Variants in CADM2 observed in about 807,000 individuals in gnomAD.
CADM2 encodes the protein cell adhesion molecule 2.
A neutral mutation model predicts 49.8 loss-of-function variants in CADM2; 12 were observed. That is an observed-to-expected ratio of 0.24 (90% confidence interval 0.15 to 0.39). The LOEUF (loss-of-function observed/expected upper bound fraction) is 0.39, where lower values mean the gene tolerates loss of function less well. Ranked by LOEUF, CADM2 falls within the 10% of genes least tolerant of loss-of-function variation. CADM2 has a pLI of 1.00. For synonymous variants in CADM2, 214 were observed against 175.4 expected, an observed-to-expected ratio of 1.22 and a Z score of -1.74; for missense variants, 378 against 492.3, an observed-to-expected ratio of 0.77 and a Z score of 2.20.
At chr3:85,204,256 T>A in intron 1 of CADM2, among the ~76,000 whole-genome samples, 1 of 152,302 alleles carries the variant, frequency 6.6e-6, no homozygotes, top group South Asian at 2.1e-4. Flanking sequence ...ATTTGTTGAA[T>A]TTTTAGTAAC....
intron 1 of CADM2, among the ~76,000 whole-genome samples, chr3:84,991,502 G>GA (rs1410212095): frequency 6.6e-6 from 1 of 151,950 alleles, no homozygotes; most frequent in African/African-American, 2.4e-5. Flanking sequence ...CAAATCCTAG[G>GA]AAAAAAACTA....
intron 1 of CADM2, among the ~76,000 whole-genome samples, chr3:85,638,900 TAGAA>T (rs2064610016): frequency 6.6e-6 from 1 of 152,136 alleles, no homozygotes; most frequent in African/African-American, 2.4e-5. Context: ...AATGTAAACT[TAGAA>T]AGGTTTTTTC....
intron 2 of CADM2, among the ~76,000 whole-genome samples, chr3:85,792,270 A>C (rs2071380066): frequency 6.6e-6 from 1 of 152,228 alleles, no homozygotes; most frequent in African/African-American, 2.4e-5. Context: ...GTTTTCACTA[A>C]GGACAAATAT....
At chr3:85,174,318 T>C (rs2040715605) in intron 1 of CADM2, among the ~76,000 whole-genome samples, 2 of 152,126 alleles carry the variant, frequency 1.3e-5, no homozygotes, top group African/African-American at 4.8e-5. Context: ...TAGTTTAAAT[T>C]GTCAGGTTTG....
chr3:85,596,897 A>T (rs940223491), intron 1 of CADM2, among the ~76,000 whole-genome samples: 4 of 151,996 alleles, frequency 2.6e-5, no homozygotes, highest in African/African-American at 7.2e-5. Context: ...TTGCATTTTT[A>T]GTAGAGACAG....
chr3:86,059,753 T>G (rs1275432326), intron 8 of CADM2, among the ~76,000 whole-genome samples: 2 of 152,272 alleles, frequency 1.3e-5, no homozygotes, highest in South Asian at 2.1e-4. Context: ...CCATTGAAAT[T>G]TAGCCATTTA....
chr3:85,314,035 G>A (rs977325596), intron 1 of CADM2, among the ~76,000 whole-genome samples: 1 of 152,010 alleles, frequency 6.6e-6, no homozygotes, highest in Admixed American at 6.6e-5. Flanking sequence ...GGACTAAGGC[G>A]CGTGCCACCA....
intron 3 of CADM2, among the ~76,000 whole-genome samples, chr3:85,869,290 A>C (rs555619683): frequency 6.6e-6 from 1 of 152,212 alleles, no homozygotes; most frequent in African/African-American, 2.4e-5. Flanking sequence ...CTAAGCAATT[A>C]CTTACTGAAT....
At chr3:85,689,227 A>T (rs1027029887) in intron 1 of CADM2, among the ~76,000 whole-genome samples, 1 of 152,214 alleles carries the variant, frequency 6.6e-6, no homozygotes, top group Non-Finnish European at 1.5e-5. Context: ...GTAATGACAG[A>T]ACGATCACGG....
chr3:85,249,519 TGTG>T (rs2042727021), intron 1 of CADM2, among the ~76,000 whole-genome samples: 1 of 152,064 alleles, frequency 6.6e-6, no homozygotes, highest in South Asian at 2.1e-4. Context: ...CTTTTTAAGT[TGTG>T]GTTGAATTAA....
At chr3:85,127,362 A>T (rs1329537771) in intron 1 of CADM2, among the ~76,000 whole-genome samples, 1 of 152,174 alleles carries the variant, frequency 6.6e-6, no homozygotes, top group Non-Finnish European at 1.5e-5. Flanking sequence ...TGAATTAGAA[A>T]ACTATATGTT....
At chr3:85,013,346 G>T (rs886216050) in intron 1 of CADM2, among the ~76,000 whole-genome samples, 1 of 151,636 alleles carries the variant, frequency 6.6e-6, no homozygotes, top group Non-Finnish European at 1.5e-5. Context: ...TCTTCACCTA[G>T]GCATTAAAAC....
At chr3:85,876,735 G>A (rs1250696137) in intron 3 of CADM2, among the ~76,000 whole-genome samples, 1 of 152,062 alleles carries the variant, frequency 6.6e-6, no homozygotes, top group Non-Finnish European at 1.5e-5. Flanking sequence ...ATGAATGTAA[G>A]TATTCACAAA....
At chr3:85,855,466 T>C (rs2075269579) in intron 3 of CADM2, among the ~76,000 whole-genome samples, 1 of 151,678 alleles carries the variant, frequency 6.6e-6, no homozygotes, top group Non-Finnish European at 1.5e-5. Context: ...TTTTCAATCT[T>C]CCCTTTTTGA....
chr3:85,811,510 G>A (rs943469703), intron 3 of CADM2, among the ~76,000 whole-genome samples: 72 of 152,142 alleles, frequency 4.7e-4, no homozygotes, highest in Non-Finnish European at 1.6e-4. Context: ...ACTGATATTT[G>A]AGAAGCCTAT....
intron 1 of CADM2, among the ~76,000 whole-genome samples, chr3:85,717,699 C>T (rs983061174): frequency 8.6e-5 from 13 of 151,948 alleles, no homozygotes; most frequent in African/African-American, 2.7e-4. Flanking sequence ...TAGCATGAAG[C>T]GTTGTTGAAT....
Position 85,819,496 on chromosome 3 carries a change from A to G in CADM2, c.238+17300A>G, listed in dbSNP as rs187779128. On this transcript the variant is annotated intron_variant, in intron 3 of 9. Transcript: ENST00000383699. ...TTAAGCAACAAAAAACTAATTCCCG[A>G]TTTTCAAACTAGGAGCAATTTTTAG... 4.6e-5 allele frequency among the ~76,000 whole-genome samples: 7 copies of G among 152,268 alleles called. No homozygotes were observed. The East Asian group carries it at 1.4e-3, about 29-fold the overall frequency.
chr3:85,892,916 T>G (rs1714661934), intron 5 of CADM2, among the ~76,000 whole-genome samples: 1 of 152,110 alleles, frequency 6.6e-6, no homozygotes, highest in Non-Finnish European at 1.5e-5. Context: ...GTGGGAAACT[T>G]TGGCACTCCC....
At chr3:85,655,967 G>A (rs1443549954) in intron 1 of CADM2, among the ~76,000 whole-genome samples, 5 of 128,432 alleles carry the variant, frequency 3.9e-5, no homozygotes, top group East Asian at 5.4e-4. Context: ...TGCTCCAAAA[G>A]TTCCTTTTTT....
Sources: allele counts gnomAD v4.1 joint callset (sites outside exome capture counted in the v4.1 genomes callset), GRCh38; gene constraint gnomAD v4.1.1; transcripts MANE v1.5; gene names NCBI Gene and HGNC (gene_info 2026-07-23, HGNC 2026-07-21).